INPP5D: variants seen among roughly 807,000 people sequenced by gnomAD.
INPP5D encodes inositol polyphosphate-5-phosphatase D, also known as phosphatidylinositol 3,4,5-trisphosphate 5-phosphatase 1.
INPP5D carries 33 observed loss-of-function variants against 122.9 expected under a neutral mutation model. The observed-to-expected ratio is 0.27, with a 90% confidence interval of 0.20 to 0.36. The LOEUF (loss-of-function observed/expected upper bound fraction) is 0.36. Ranked by LOEUF, INPP5D falls within the 10% of genes least tolerant of loss-of-function variation. The probability of loss-of-function intolerance (pLI) is 1.00; values close to 1 mark genes in which losing one functional copy is unlikely to be tolerated. For synonymous variants in INPP5D, 584 were observed against 576.2 expected (o/e 1.01, Z -0.19); for missense variants, 1,053 against 1,412.7 (o/e 0.75, Z 4.08).
intron 2 of INPP5D, among the ~76,000 whole-genome samples, chr2:233,116,251 A>AGAT (rs1208885571): frequency 6.9e-6 from 1 of 144,432 alleles, no homozygotes; most frequent in East Asian, 2.0e-4. Context: ...ATAGATAGAT[A>AGAT]GATATAGATA....
chr2:233,074,967 G>A (rs1462994142), intron 1 of INPP5D, among the ~76,000 whole-genome samples: 6 of 152,170 alleles, frequency 3.9e-5, no homozygotes, highest in African/African-American at 1.2e-4. Context: ...AATCAAACAC[G>A]ATGATGTTTC....
chr2:233,181,869 G>A (rs534549459), intron 18 of INPP5D, among the ~76,000 whole-genome samples: 1 of 152,300 alleles, frequency 6.6e-6, no homozygotes, highest in African/African-American at 2.4e-5. Flanking sequence ...GCCGAGGCGA[G>A]TGGATCACCT....
At chr2:233,152,630 A>G (rs953479387) in intron 9 of INPP5D, among the ~76,000 whole-genome samples, 21 of 152,336 alleles carry the variant, frequency 1.4e-4, no homozygotes, top group Middle Eastern at 3.4e-3. Flanking sequence ...ATGCTGTGCC[A>G]TTTGAACCGA....
rs1267250030 is a variant in INPP5D at position 233,177,745 on chromosome 2, T to G, written c.2071+399T>G. ...TCCTGCCACCATGCCTGGCTAATTT[T>G]TGTATTTTTAGTAGAGACGGGGTTT... On this transcript the variant is annotated intron_variant, in intron 18 of 26. Transcript: ENST00000445964. The surrounding 1 kb of genome is among the most constrained non-coding windows in gnomAD (Gnocchi z 4.2). 3.3e-5 allele frequency among the ~76,000 whole-genome samples: 5 copies of G among 152,122 alleles called. No individual in the cohort carries two copies. The highest frequency in any genetic ancestry group is 5.9e-5 in the Non-Finnish European group (4 of 68,020).
rs1186884385 is a variant in INPP5D at position 233,188,637 on chromosome 2, C to G, written c.2359-1213C>G. On this transcript the variant is annotated intron_variant, in intron 21 of 26. Coordinates refer to ENST00000445964, the MANE Select transcript of INPP5D (RefSeq NM_001017915.3). This position sits in a 1 kb window ranked among gnomAD's most constrained non-coding sequence, Gnocchi z 4.7. ...AGTGCAGTGGTGCCATCTCGGCTCA[C>G]TGCAACCTCCGCCTCCAAGGTTCAA... Among the ~76,000 whole-genome samples, 1 of 152,212 alleles carries G rather than the reference C, an allele frequency of 6.6e-6. No homozygotes were observed. The highest frequency in any genetic ancestry group is 1.5e-5 in the Non-Finnish European group (1 of 68,034).
chr2:233,130,355 C>A lies in INPP5D; in HGVS notation c.525-153C>A, dbSNP rs70958386. 4.4e-3 allele frequency among the ~76,000 whole-genome samples: 676 copies of A among 152,330 alleles called. 21 individuals carry two copies. In the East Asian group the frequency reaches 0.092, roughly 21 times the overall value. On this transcript the variant is annotated intron_variant, in intron 4 of 26. Transcript: ENST00000445964. The stretch of plus-strand genomic sequence containing the variant: ...TACCCCATCAGTGAGACCACGGGAA[C>A]CTTCGTCCAGGTTTGCAAACATTCT...
At position 233,064,347 on chromosome 2, in the gene INPP5D, A is replaced by G. The variant is rs537727387; in HGVS notation, c.134+3735A>G. The stretch of plus-strand genomic sequence containing the variant: ...CAGTGTGGTTTTGGTTTCCCTCCAC[A>G]TGTGGCCTTCCACAGGCCACCCAGG... On this transcript the variant is annotated intron_variant, in intron 1 of 26. Transcript: ENST00000445964. Among the ~76,000 whole-genome samples the G allele has an allele frequency of 4.1e-3, 617 of 152,326 alleles. 4 individuals carry two copies. Among genetic ancestry groups the G allele is most frequent in the Non-Finnish European group, 6.5e-3 (445 of 68,026 alleles).
intron 25 of INPP5D, among the ~76,000 whole-genome samples, chr2:233,202,507 GTGTGAGGACGACATCCCGCCTT>G (rs1431777536): frequency 2.6e-5 from 4 of 152,342 alleles, no homozygotes; most frequent in Non-Finnish European, 5.9e-5. Context: ...ACCGGCACCT[GTGTGAGGACGACATCCCGCCTT>G]TGTCCCCTGA....
intron 19 of INPP5D, 61 bp from the exon 20 acceptor site, chr2:233,184,347 T>C (rs2106315160): frequency 6.3e-7 from 1 of 1,584,778 alleles, no homozygotes; most frequent in Admixed American, 1.8e-5. Context: ...TGAGAACTAA[T>C]TTGAAATGCT....
chr2:233,123,489 T>C (rs1477291561), intron 3 of INPP5D, among the ~76,000 whole-genome samples: 1 of 149,112 alleles, frequency 6.7e-6, no homozygotes, highest in African/African-American at 2.5e-5. Flanking sequence ...CCCTAAAAAG[T>C]GTGTGAGACT....
intron 13 of INPP5D, among the ~76,000 whole-genome samples, chr2:233,167,260 A>G (rs867873135): frequency 2.0e-5 from 3 of 149,840 alleles, no homozygotes; most frequent in Admixed American, 6.7e-5. Flanking sequence ...GGGCCCAGCT[A>G]CTCAGGAGGC....
chr2:233,144,229 G>GGTGATGGTGAGGGTGGAGATGGTGGTA (rs1693689198), intron 6 of INPP5D, among the ~76,000 whole-genome samples: 1 of 150,054 alleles, frequency 6.7e-6, no homozygotes. Context: ...TGGTAGTGAT[G>GGTGATGGTGAGGGTGGAGATGGTGGTA]GTGATGGTGA....
At position 233,204,597 on chromosome 2, in the gene INPP5D, G is replaced by T. The variant is rs1435929222; in HGVS notation, c.3447G>T (p.Ala1149=). 9 of 1,569,620 alleles carry T rather than the reference G, an allele frequency of 5.7e-6. No individual in the cohort carries two copies. Among genetic ancestry groups the T allele is most frequent in the African/African-American group, 5.4e-5 (4 of 73,726 alleles). Residue 1149 remains alanine (A), a synonymous_variant, in exon 26 of 27, where the codon GCG becomes GCT. Transcript: ENST00000445964. ...PRPPLPVKSP[A]VLHLQHSKGR... is the part of the protein sequence containing the mutation. ...CGCCGCTGCCAGTCAAGAGCCCGGC[G>T]GTGCTGCACCTCCAGCACTCCAAGG...
At chr2:233,121,456 A>C (rs1318876330) in intron 2 of INPP5D, among the ~76,000 whole-genome samples, 1 of 151,406 alleles carries the variant, frequency 6.6e-6, no homozygotes. Context: ...TATTTAAAAA[A>C]ATCCATATTT....
intron 3 of INPP5D, 74 bp downstream of exon 3, chr2:233,122,331 A>G: frequency 6.8e-7 from 1 of 1,465,802 alleles, no homozygotes; most frequent in Non-Finnish European, 9.3e-7. Context: ...GTGCTTGTAG[A>G]CTAGGTGAGT....
At chr2:233,155,632 AAATAAATAAATAAATAAATAAATAAAT>A (rs767170913) in intron 9 of INPP5D, among the ~76,000 whole-genome samples, 40 of 13,670 alleles carry the variant, frequency 2.9e-3, no homozygotes, top group Admixed American at 4.7e-3. Flanking sequence ...AAAAATAAAT[AAATAAATAAATAAATAAATAAATAAAT>A]AATAAATAAA....
At chr2:233,117,637 C>G (rs1046311682) in intron 2 of INPP5D, among the ~76,000 whole-genome samples, 5 of 152,186 alleles carry the variant, frequency 3.3e-5, no homozygotes, top group African/African-American at 1.2e-4. Flanking sequence ...GCTGTACTGC[C>G]TGTTATTGGT....
chr2:233,147,245 C>T (rs749746118), intron 8 of INPP5D, among the ~76,000 whole-genome samples: 9 of 152,284 alleles, frequency 5.9e-5, no homozygotes, highest in South Asian at 2.1e-4. Flanking sequence ...CAGAACGGCT[C>T]CCCCACACAC....
chr2:233,178,904 C>A (rs1694715421), intron 18 of INPP5D, among the ~76,000 whole-genome samples: 1 of 152,218 alleles, frequency 6.6e-6, no homozygotes, highest in Non-Finnish European at 1.5e-5. Flanking sequence ...ACCTTTGTGG[C>A]TCCCACTCTG....
Sources: allele counts gnomAD v4.1 joint callset (sites outside exome capture counted in the v4.1 genomes callset), GRCh38; gene constraint gnomAD v4.1.1; non-coding constraint Gnocchi (gnomAD v3.1); transcripts MANE v1.5; gene names NCBI Gene and HGNC (gene_info 2026-07-23, HGNC 2026-07-21).